Variants in MAP3K20 observed in about 807,000 individuals in gnomAD.
The protein encoded by MAP3K20 is mitogen-activated protein kinase kinase kinase 20.
In MAP3K20, 40 loss-of-function variants were observed where a neutral mutation model predicts 85.7. That is an observed-to-expected ratio of 0.47 (90% CI 0.36 to 0.61). The LOEUF is 0.61. MAP3K20 is among the 20% of genes least tolerant of loss of function. The probability of loss-of-function intolerance (pLI) is 0.00; values close to 1 mark genes in which losing one functional copy is unlikely to be tolerated. For missense variants in MAP3K20, 817 were observed against 961.7 expected, an observed-to-expected ratio of 0.85 and a Z score of 1.99; for synonymous variants, 325 against 327.7, an observed-to-expected ratio of 0.99 and a Z score of 0.09.
At chr2:173,261,602 G>C (rs1044214330) in intron 18 of MAP3K20, among the ~76,000 whole-genome samples, 2 of 152,176 alleles carry the variant, frequency 1.3e-5, no homozygotes, top group African/African-American at 4.8e-5. Context: ...AAAGGGACAT[G>C]CATTTCATTC....
intron 16 of MAP3K20, among the ~76,000 whole-genome samples, chr2:173,243,295 GA>G (rs1464555835): frequency 6.6e-6 from 1 of 152,186 alleles, no homozygotes; most frequent in Admixed American, 6.5e-5. Context: ...CTTCTTGGTA[GA>G]AGTGTTGCTT....
intron 2 of MAP3K20, among the ~76,000 whole-genome samples, chr2:173,108,452 C>T (rs1687848489): frequency 6.6e-6 from 1 of 152,202 alleles, no homozygotes; most frequent in Admixed American, 6.5e-5. Context: ...TTTTAAAAAT[C>T]TCTTTTTAAT....
intron 3 of MAP3K20, among the ~76,000 whole-genome samples, chr2:173,176,457 T>C (rs1176106042): frequency 6.6e-6 from 1 of 152,140 alleles, no homozygotes; most frequent in Admixed American, 6.5e-5. Context: ...AAATCTTCTA[T>C]ATTTTATTGT....
chr2:173,167,374 ACAT>A (rs1377839676), intron 2 of MAP3K20, among the ~76,000 whole-genome samples: 1 of 152,166 alleles, frequency 6.6e-6, no homozygotes, highest in Non-Finnish European at 1.5e-5. Flanking sequence ...TGAATTGCTG[ACAT>A]CATGATGTCA....
intron 2 of MAP3K20, among the ~76,000 whole-genome samples, chr2:173,110,924 C>T (rs996207390): frequency 1.3e-5 from 2 of 152,130 alleles, no homozygotes; most frequent in Non-Finnish European, 2.9e-5. Context: ...ATAATGACTT[C>T]TTTTCCTTTG....
intron 11 of MAP3K20, chr2:173,222,271 A>C: frequency 1.0e-6 from 1 of 985,912 alleles, no homozygotes; most frequent in Non-Finnish European, 1.2e-6. Flanking sequence ...TGATCTAAGA[A>C]GGTTATAACA....
At chr2:173,100,336 A>G (rs1224923231) in intron 2 of MAP3K20, among the ~76,000 whole-genome samples, 1 of 152,176 alleles carries the variant, frequency 6.6e-6, no homozygotes, top group East Asian at 1.9e-4. Context: ...TTTGATGGAA[A>G]CTAAGGCTCA....
intron 10 of MAP3K20, among the ~76,000 whole-genome samples, chr2:173,213,745 T>C (rs974980559): frequency 6.6e-6 from 1 of 152,248 alleles, no homozygotes; most frequent in African/African-American, 2.4e-5. Flanking sequence ...GTTGTTGTGC[T>C]GTCTTCTCAT....
intron 2 of MAP3K20, among the ~76,000 whole-genome samples, chr2:173,129,781 T>G (rs1300939404): frequency 6.6e-6 from 1 of 152,220 alleles, no homozygotes; most frequent in Non-Finnish European, 1.5e-5. Flanking sequence ...AATTGCCTTT[T>G]CTAAAATTAC....
rs940084848 is a variant in MAP3K20 at position 173,226,062 on chromosome 2, T to C, written c.988-3627T>C. The C allele has an allele frequency of 5.1e-6, 5 of 985,316 alleles. No homozygotes were observed. In the African/African-American group the frequency reaches 8.7e-5, roughly 17 times the overall value. 61.0% of individuals were successfully genotyped at this position (985,316 alleles called of 1,614,324 possible). A position where few individuals can be genotyped will look rare whatever the true frequency, so the allele number is the denominator to read the frequency against. On this transcript the variant is annotated intron_variant, in intron 11 of 19. Transcript: ENST00000375213. Reference sequence around the variant, plus strand: ...GTTGAAAGCCTACAGCTCACTGTTTTTGGTGCTCTGGAAATGTTGAGGGTG... The same window carrying C: ...GTTGAAAGCCTACAGCTCACTGTTTCTGGTGCTCTGGAAATGTTGAGGGTG...
rs1244609325 is a variant in MAP3K20, at chr2:173,261,176, A to C, written c.1551+39A>C. ...GCAAGAGGCTGGTGGCCTCACCATC[A>C]GTTAATGAATATAAATTTATCTGTT... On this transcript the variant is annotated intron_variant, in intron 18 of 19. Coordinates refer to ENST00000375213, the MANE Select transcript of MAP3K20 (RefSeq NM_016653.3). The C allele has an allele frequency of 1.9e-6, 3 of 1,583,894 alleles. No individual in the cohort carries two copies. In the Admixed American group the frequency reaches 5.0e-5, roughly 27 times the overall value.
chr2:173,092,214 T>A (rs905213607), intron 2 of MAP3K20, among the ~76,000 whole-genome samples: 5 of 152,216 alleles, frequency 3.3e-5, no homozygotes, highest in African/African-American at 1.2e-4. Context: ...TTAGAAGGAC[T>A]GAGAGATCTC....
intron 3 of MAP3K20, among the ~76,000 whole-genome samples, chr2:173,178,465 G>A (rs1240353199): frequency 6.6e-6 from 1 of 152,034 alleles, no homozygotes. Flanking sequence ...CCATCATAGC[G>A]AAACCCCATC....
intron 1 of MAP3K20, among the ~76,000 whole-genome samples, chr2:173,083,940 AG>A (rs1687076883): frequency 6.6e-6 from 1 of 152,196 alleles, no homozygotes. Context: ...TTTTTGAAGA[AG>A]GGGGAAAGGA....
chr2:173,217,583 G>A (rs186400310), intron 11 of MAP3K20, among the ~76,000 whole-genome samples: 8 of 152,248 alleles, frequency 5.3e-5, no homozygotes, highest in African/African-American at 1.7e-4. Flanking sequence ...CATGCACCTC[G>A]GTGCTGATTA....
intron 16 of MAP3K20, among the ~76,000 whole-genome samples, chr2:173,247,158 G>T (rs1238059858): frequency 6.6e-6 from 1 of 152,250 alleles, no homozygotes; most frequent in East Asian, 1.9e-4. Flanking sequence ...CAATAGTTCT[G>T]CTTTTCCAGC....
chr2:173,249,265 C>T, intron 16 of MAP3K20, among the ~76,000 whole-genome samples: 1 of 152,192 alleles, frequency 6.6e-6, no homozygotes, highest in East Asian at 1.9e-4. Flanking sequence ...ACTGCAAGTT[C>T]TGCAGCTAGA....
intron 14 of MAP3K20, among the ~76,000 whole-genome samples, chr2:173,236,979 T>C (rs115803583): frequency 7.1e-4 from 107 of 150,346 alleles, no homozygotes; most frequent in African/African-American, 2.4e-3. Flanking sequence ...AGTCCTTAAA[T>C]GGTAGGTGAT....
At chr2:173,252,002 T>C (rs1685051259) in intron 16 of MAP3K20, among the ~76,000 whole-genome samples, 2 of 152,176 alleles carry the variant, frequency 1.3e-5, no homozygotes, top group Admixed American at 6.5e-5. Flanking sequence ...GAGAGAGAGA[T>C]TGAGATTATT....
Sources: allele counts gnomAD v4.1 joint callset (sites outside exome capture counted in the v4.1 genomes callset), GRCh38; gene constraint gnomAD v4.1.1; transcripts MANE v1.5; gene names NCBI Gene and HGNC (gene_info 2026-07-23, HGNC 2026-07-21).